Variants in PLTP observed in about 807,000 individuals in gnomAD.
PLTP encodes BPI fold containing family E.
A neutral mutation model predicts 54.1 loss-of-function variants in PLTP; 43 were observed. That is an observed-to-expected ratio of 0.79 (90% CI 0.62 to 1.02). The LOEUF is 1.02. PLTP is among the 50% of genes least tolerant of loss of function. The probability of loss-of-function intolerance (pLI) is 0.00; values close to 1 mark genes in which losing one functional copy is unlikely to be tolerated. For synonymous variants in PLTP, 263 were observed against 264.6 expected (o/e 0.99, Z 0.06); for missense variants, 604 against 645.9 (o/e 0.94, Z 0.70).
intron 4 of PLTP, 60 bp from the exon 5 acceptor site, chr20:45,909,731 A>C: frequency 1.9e-6 from 3 of 1,564,644 alleles, no homozygotes; most frequent in Non-Finnish European, 2.6e-6. Context: ...CAGTGCCCCC[A>C]TGCATCACCA....
rs199855701 is a variant in PLTP, at chr20:45,904,801, A to G, written c.941T>C (p.Leu314Pro). Residue 314 changes from leucine to proline, a missense_variant and splice_region_variant, in exon 10 of 16, where the codon CTG becomes CCG. Coordinates refer to ENST00000372431, the MANE Select transcript of PLTP (RefSeq NM_006227.4). ...ATCCCTGCCCCCGCCAGCACTCACC[A>G]GCAGGACAATGCTCCCAAAGTAGGT... ...RATYFGSIVL[L>P]SPAVIDSPLK... The G allele has an allele frequency of 8.7e-6, 14 of 1,614,124 alleles. No individual in the cohort carries two copies. The highest frequency in any genetic ancestry group is 1.2e-5 in the Non-Finnish European group (14 of 1,179,958).
intron 12 of PLTP, 139 bp from the exon 13 acceptor site, chr20:45,900,017 C>G: frequency 1.4e-6 from 1 of 737,254 alleles, no homozygotes. Context: ...CTACAACTTT[C>G]CAGGTATCCT....
chr20:45,902,894 C>G (rs771130239), intron 10 of PLTP, among the ~76,000 whole-genome samples: 2 of 152,144 alleles, frequency 1.3e-5, no homozygotes, highest in Non-Finnish European at 2.9e-5. Flanking sequence ...GCATTAGTAT[C>G]TCAGCCCTTG....
rs890107887 is a variant in PLTP at position 45,904,821 on chromosome 20, G to T, written c.921C>A (p.Tyr307Ter). 6.2e-7 allele frequency: 1 copy of T among 1,614,220 alleles called. No individual in the cohort carries two copies. The highest frequency in any genetic ancestry group is 1.1e-5 in the South Asian group (1 of 91,086). The change falls in exon 10 of 16, where the codon TAC (tyrosine) becomes TAA (stop). Residue 307 changes from tyrosine to a stop codon, truncating the protein, a stop_gained. Transcript: ENST00000372431. LOFTEE classifies it high-confidence loss of function. ...HDLDMLLRAT[Y>*]FGSIVLLSPA... ...TCACCAGCAGGACAATGCTCCCAAA[G>T]TAGGTGGCCCTCAGCAGCATGTCCA...
chr20:45,911,349 T>G lies in PLTP; in HGVS notation c.100+4A>C. On this transcript the variant is annotated splice_donor_region_variant and intron_variant, in intron 2 of 15. Transcript: ENST00000372431. ...GTCCGTCCCTGTCTGCCCCTGCGCC[T>G]TACCCAGCTCCAGCGCCTTGGAGGT... The G allele has an allele frequency of 6.2e-7, 1 of 1,613,362 alleles. No individual in the cohort carries two copies. The highest frequency in any genetic ancestry group is 1.1e-5 in the South Asian group (1 of 91,088).
intron 8 of PLTP, 122 bp downstream of exon 8, chr20:45,906,146 C>G: frequency 1.4e-6 from 1 of 739,128 alleles, no homozygotes; most frequent in South Asian, 1.5e-5. Context: ...GGAGCCATAG[C>G]ATTCTCAGTA....
rs761246660 is a variant in PLTP at position 45,902,319 on chromosome 20, C to A, written c.1123G>T (p.Ala375Ser). The A allele has an allele frequency of 1.9e-6, 3 of 1,614,040 alleles. No homozygotes were observed. Among genetic ancestry groups the A allele is most frequent in the Non-Finnish European group, 2.5e-6 (3 of 1,180,052 alleles). The change falls in exon 12 of 16, where the codon GCC (alanine) becomes TCC (serine). Residue 375 changes from alanine (A) to serine (S), a missense_variant. Physicochemically the swap from Ala to Ser is moderately conservative, Grantham distance 99 (BLOSUM62 1). Coordinates refer to ENST00000372431, the MANE Select transcript of PLTP (RefSeq NM_006227.4). ...SSMTMDARLS[A>S]KMALRGKALR... Reference sequence around the variant, plus strand: ...GCCTTCCCCCGGAGAGCCATCTTGGCGCTGAGACGGGCGTCCTGCAGGAAC... The same window carrying A: ...GCCTTCCCCCGGAGAGCCATCTTGGAGCTGAGACGGGCGTCCTGCAGGAAC...
intron 13 of PLTP, 29 bp downstream of exon 13, chr20:45,899,807 G>GGGCCCGCCCCCCCCCCCCCC: frequency 1.5e-6 from 2 of 1,369,464 alleles, no homozygotes; most frequent in Non-Finnish European, 2.0e-6. Context: ...CACGAACCCA[G>GGGCCCGCCCCCCCCCCCCCC]CCCAGCCCAC....
At chr20:45,907,670 G>A (rs778628395) in intron 7 of PLTP, 22 bp downstream of exon 7, 2 of 1,611,032 alleles carry the variant, frequency 1.2e-6, no homozygotes, top group Middle Eastern at 1.7e-4. Flanking sequence ...TGCACACCCA[G>A]ACTCACCCGC....
rs750627484 is a variant in PLTP at position 45,911,342 on chromosome 20, CT to C, written c.100+10del. On this transcript the variant is annotated intron_variant, in intron 2 of 15. Transcript: ENST00000372431. Reference sequence around the variant, plus strand: ...CGCTCCCGTCCGTCCCTGTCTGCCCCTGCGCCTTACCCAGCTCCAGCGCCTT... The same window carrying C: ...CGCTCCCGTCCGTCCCTGTCTGCCCCGCGCCTTACCCAGCTCCAGCGCCTT... The C allele has an allele frequency of 6.2e-7, 1 of 1,613,578 alleles. No homozygotes were observed. The highest frequency in any genetic ancestry group is 1.1e-5 in the South Asian group (1 of 91,086).
Position 45,906,363 on chromosome 20 carries a change from C to T in PLTP, c.614-4G>A. Reference sequence around the variant, plus strand: ...AGCTCGTCCACAGAACTGCGCACTGCAGGAAGGGGCTCAAGTCACTCACGG... The same window carrying T: ...AGCTCGTCCACAGAACTGCGCACTGTAGGAAGGGGCTCAAGTCACTCACGG... On this transcript the variant is annotated splice_polypyrimidine_tract_variant and splice_region_variant and intron_variant, in intron 7 of 15. Transcript: ENST00000372431. 6.2e-7 allele frequency: 1 copy of T among 1,611,096 alleles called. No homozygotes were observed. Among genetic ancestry groups the T allele is most frequent in the Middle Eastern group, 1.7e-4 (1 of 6,056 alleles).
In PLTP at chr20:45,905,117, C is replaced by T; in HGVS notation, c.707G>A (p.Gly236Glu). 6.2e-7 allele frequency: 1 copy of T among 1,613,848 alleles called. No individual in the cohort carries two copies. Among genetic ancestry groups the T allele is most frequent in the South Asian group, 1.1e-5 (1 of 91,084 alleles). Residue 236 changes from glycine to glutamate, a missense_variant and splice_region_variant, in exon 9 of 16, where the codon GGG becomes GAG. Transcript: ENST00000372431. ...STSNLDMDFRGAFFPLTERNW... is the reference protein window; with the variant it reads ...STSNLDMDFREAFFPLTERNW... The stretch of plus-strand genomic sequence containing the variant: ...CCTCTCAGTCAGGGGGAAGAAGGCC[C>T]CCTGGGGTGGGGCATTCACAGTCAG...
At chr20:45,900,003 AGTGCTACAACTTTCCAG>A in intron 12 of PLTP, 125 bp from the exon 13 acceptor site, 1 of 802,376 alleles carries the variant, frequency 1.2e-6, no homozygotes, top group Non-Finnish European at 2.1e-6. Flanking sequence ...CACCTTTCCA[AGTGCTACAACTTTCCAG>A]GTATCCTCGG....
In PLTP at chr20:45,899,656, G is replaced by T; in HGVS notation, c.1248C>A (p.Thr416=). The T allele has an allele frequency of 6.2e-7, 1 of 1,613,978 alleles. No individual in the cohort carries two copies. The highest frequency in any genetic ancestry group is 8.5e-7 in the Non-Finnish European group (1 of 1,179,984). Residue 416 remains threonine (T), a synonymous_variant, in exon 14 of 16, where the codon ACC becomes ACA. Coordinates refer to ENST00000372431, the MANE Select transcript of PLTP (RefSeq NM_006227.4). Reference sequence around the variant, plus strand: ...TGGGCATCACCCCAATCTGCAGCATGGTCTTCAGAGGGGCCTGTAATGGGA... The same window carrying T: ...TGGGCATCACCCCAATCTGCAGCATTGTCTTCAGAGGGGCCTGTAATGGGA... The part of the protein sequence containing the change: ...ALIPLQAPLK[T]MLQIGVMPML...
intron 5 of PLTP, among the ~76,000 whole-genome samples, chr20:45,908,576 G>A (rs553516997): frequency 6.6e-6 from 1 of 152,290 alleles, no homozygotes; most frequent in East Asian, 1.9e-4. Flanking sequence ...GAGGCGGACA[G>A]ACCACCTGAG....
At chr20:45,901,604 A>G (rs893368026) in intron 12 of PLTP, among the ~76,000 whole-genome samples, 2 of 151,930 alleles carry the variant, frequency 1.3e-5, no homozygotes, top group African/African-American at 2.4e-5. Context: ...AAAAATAAAT[A>G]AATACAATAA....
In PLTP at chr20:45,904,521, A is replaced by G. The variant is rs75366500; in HGVS notation, c.942+279T>C. Among the ~76,000 whole-genome samples the G allele has an allele frequency of 9.7e-3, 1,478 of 152,330 alleles. 26 individuals are homozygous for G. The highest frequency in any genetic ancestry group is 0.034 in the African/African-American group (1,420 of 41,578). On this transcript the variant is annotated intron_variant, in intron 10 of 15. Transcript: ENST00000372431. ...ACTCTCCTCCCCAATACACAAATAA[A>G]CAAAAGTATATGTGAATTATTATTA...
chr20:45,905,810 C>T (rs1201353297), intron 8 of PLTP, among the ~76,000 whole-genome samples: 1 of 152,232 alleles, frequency 6.6e-6, no homozygotes, highest in African/African-American at 2.4e-5. Flanking sequence ...AGTGGCTACA[C>T]ACTGGCTATG....
At chr20:45,902,688 C>A in intron 10 of PLTP, 84 bp from the exon 11 acceptor site, 1 of 1,406,740 alleles carries the variant, frequency 7.1e-7, no homozygotes, top group Non-Finnish European at 9.6e-7. Flanking sequence ...AAGGCAGGTG[C>A]AGCTTCTGTC....
Sources: gnomAD v4.1 joint callset for allele counts (sites outside exome capture counted in the v4.1 genomes callset) on GRCh38, gnomAD v4.1.1 for gene constraint, MANE v1.5 for transcripts, NCBI Gene and HGNC (gene_info 2026-07-23, HGNC 2026-07-21) for gene names.